The following FANCC variants were observed in gnomAD, a reference collection of about 807,000 sequenced individuals.
FANCC encodes the protein Fanconi anemia group C protein.
Under a neutral mutation model 71.3 loss-of-function variants are expected in FANCC, and 55 were observed. The ratio of observed to expected loss-of-function variants is 0.77; its 90% CI spans 0.62 to 0.97. The LOEUF (loss-of-function observed/expected upper bound fraction) is 0.97. FANCC is among the 50% of genes least tolerant of loss of function. The probability of loss-of-function intolerance (pLI) is 0.00; values close to 1 mark genes in which losing one functional copy is unlikely to be tolerated. For synonymous variants in FANCC, 275 were observed against 244.9 expected (o/e 1.12, Z -1.15); for missense variants, 678 against 670.9 (o/e 1.01, Z -0.12).
At chr9:95,120,837 T>C (rs535714643) in intron 10 of FANCC, among the ~76,000 whole-genome samples, 162 of 152,338 alleles carry the variant, frequency 1.1e-3, no homozygotes, top group African/African-American at 3.8e-3. Context: ...TGGGTTTAGG[T>C]CTATCTTTTG....
At position 95,313,892 on chromosome 9, in the gene FANCC, A is replaced by T. The variant is rs77519738; in HGVS notation, c.-79+3634T>A. Among the ~76,000 whole-genome samples, 1,331 of 152,354 alleles carry T rather than the reference A, an allele frequency of 8.7e-3. 23 individuals carry two copies. Among genetic ancestry groups the T allele is most frequent in the African/African-American group, 0.03 (1,266 of 41,584 alleles). On this transcript the variant is annotated intron_variant, in intron 1 of 14. Coordinates refer to ENST00000289081, the MANE Select transcript of FANCC (RefSeq NM_000136.3). ...AAAGCAACATTTCTAACATTTGTTC[A>T]TAAGAATTCTCAACAATCTAGTAAC...
chr9:95,146,487 CAAAAAAAAAA>C (rs61093923), intron 7 of FANCC, among the ~76,000 whole-genome samples: 1 of 45,572 alleles, frequency 2.2e-5, no homozygotes, highest in East Asian at 7.7e-4. Flanking sequence ...GACCCCATCT[CAAAAAAAAAA>C]AAAAAAAAAA....
rs1166491683 is a variant in FANCC, at chr9:95,149,932, G to A, written c.677C>T (p.Ala226Val). ...AACATTTGCCACTTACAGCAAAATG[G>A]CCTCGTTTACAGCCTCAAAGAACTC... ...QPEFFEAVNE[A>V]ILLKKISLPM... The change falls in exon 7 of 15, where the codon GCC becomes GTC. Residue 226 changes from alanine to valine, a missense_variant. Physicochemically the swap from Ala to Val is moderately conservative, Grantham distance 64 (BLOSUM62 0). Coordinates refer to ENST00000289081, the MANE Select transcript of FANCC (RefSeq NM_000136.3). The A allele has an allele frequency of 8.7e-6, 14 of 1,602,962 alleles. No individual in the cohort carries two copies. Among genetic ancestry groups the A allele is most frequent in the Non-Finnish European group, 1.1e-5 (13 of 1,174,698 alleles).
chr9:95,193,618 A>G (rs1020613645), intron 4 of FANCC, among the ~76,000 whole-genome samples: 1 of 152,234 alleles, frequency 6.6e-6, no homozygotes, highest in Non-Finnish European at 1.5e-5. Context: ...TGTGCAAGAC[A>G]AACTGAAAGA....
chr9:95,155,822 G>T (rs997732900), intron 6 of FANCC, among the ~76,000 whole-genome samples: 8 of 151,788 alleles, frequency 5.3e-5, no homozygotes, highest in Non-Finnish European at 7.4e-5. Flanking sequence ...AGGCTCAAGC[G>T]ATGCTCCCAC....
chr9:95,168,130 G>A (rs1799296729), intron 6 of FANCC, among the ~76,000 whole-genome samples: 2 of 152,112 alleles, frequency 1.3e-5, no homozygotes, highest in Admixed American at 1.3e-4. Flanking sequence ...TCCGTTTGTG[G>A]TATTGCAGAT....
intron 6 of FANCC, 57 bp downstream of exon 6, chr9:95,171,022 T>C: frequency 7.1e-7 from 1 of 1,402,464 alleles, no homozygotes; most frequent in Non-Finnish European, 1.0e-6. Flanking sequence ...TTTCCTCTCA[T>C]AACCAAACTG....
At chr9:95,106,953 TG>T in intron 14 of FANCC, 112 bp downstream of exon 14, 1 of 1,039,064 alleles carries the variant, frequency 9.6e-7, no homozygotes. Flanking sequence ...TTATCTGTGC[TG>T]GGCAGCATCC....
intron 10 of FANCC, among the ~76,000 whole-genome samples, chr9:95,121,970 G>C (rs550892478): frequency 5.0e-4 from 76 of 150,658 alleles, no homozygotes; most frequent in African/African-American, 1.8e-3. Context: ...CCATTATCCT[G>C]CCTCAGCCTC....
At chr9:95,131,084 T>C (rs1826836456) in intron 8 of FANCC, among the ~76,000 whole-genome samples, 1 of 152,264 alleles carries the variant, frequency 6.6e-6, no homozygotes, top group Admixed American at 6.5e-5. Context: ...TACCAGATGT[T>C]GTTTATACAC....
At chr9:95,259,676 G>T (rs905165904) in intron 1 of FANCC, among the ~76,000 whole-genome samples, 3 of 152,142 alleles carry the variant, frequency 2.0e-5, no homozygotes, top group Admixed American at 6.5e-5. Context: ...GGCAACAAAA[G>T]CTAAAATTGA....
rs567507884 is a variant in FANCC at position 95,099,579 on chromosome 9, G to A, written c.*2128C>T. On this transcript the variant is annotated 3_prime_UTR_variant, in exon 15 of 15. Transcript: ENST00000289081. ...TGTCTTGGAGGTGGAGGGAATGGCC[G>A]AGGGGTGGCTCCCCCAGCTCCCCAC... is the stretch of plus-strand genomic sequence containing the variant. The A allele has an allele frequency of 8.7e-6, 2 of 230,846 alleles. No individual in the cohort carries two copies. The highest frequency in any genetic ancestry group is 1.7e-5 in the Non-Finnish European group (2 of 116,784). The allele number at this position is 230,846 out of a possible 1,614,324, so 14.3% of individuals were successfully genotyped here.
chr9:95,253,903 T>C (rs906110671), intron 1 of FANCC, among the ~76,000 whole-genome samples: 1 of 152,236 alleles, frequency 6.6e-6, no homozygotes, highest in Admixed American at 6.5e-5. Context: ...ATCCCCTGCA[T>C]GTGCAGTTCA....
intron 3 of FANCC, among the ~76,000 whole-genome samples, chr9:95,244,234 C>T (rs959163527): frequency 1.3e-5 from 2 of 152,214 alleles, no homozygotes; most frequent in Non-Finnish European, 2.9e-5. Context: ...TCCTGAGAAA[C>T]CCTCCTTCCT....
At chr9:95,138,928 C>T (rs574339810) in intron 7 of FANCC, among the ~76,000 whole-genome samples, 3 of 152,352 alleles carry the variant, frequency 2.0e-5, no homozygotes, top group South Asian at 4.1e-4. Flanking sequence ...ATTCAGAGCA[C>T]ACCCTACTAA....
intron 7 of FANCC, among the ~76,000 whole-genome samples, chr9:95,136,677 T>C (rs1186247517): frequency 6.6e-6 from 1 of 151,888 alleles, no homozygotes; most frequent in Non-Finnish European, 1.5e-5. Context: ...AAGATGGGGG[T>C]CTTGCTATTT....
At chr9:95,154,746 T>C (rs540795642) in intron 6 of FANCC, among the ~76,000 whole-genome samples, 3 of 152,356 alleles carry the variant, frequency 2.0e-5, no homozygotes, top group East Asian at 1.9e-4. Flanking sequence ...AGGAGAAGGA[T>C]GCTTCAGCTC....
intron 1 of FANCC, among the ~76,000 whole-genome samples, chr9:95,287,443 C>T (rs773038330): frequency 6.6e-6 from 1 of 152,176 alleles, no homozygotes; most frequent in African/African-American, 2.4e-5. Context: ...TCATCCATAT[C>T]AGCAGTCTCC....
chr9:95,310,505 G>A (rs1407158051), intron 1 of FANCC, among the ~76,000 whole-genome samples: 2 of 152,110 alleles, frequency 1.3e-5, no homozygotes, highest in African/African-American at 4.8e-5. Context: ...CATTACAGAA[G>A]TCACATCACA....
Sources: allele counts gnomAD v4.1 joint callset (sites outside exome capture counted in the v4.1 genomes callset), GRCh38; gene constraint gnomAD v4.1.1; transcripts MANE v1.5; gene names NCBI Gene and HGNC (gene_info 2026-07-23, HGNC 2026-07-21).